Variants in PTPRM observed in about 807,000 individuals in gnomAD.
PTPRM encodes the protein protein tyrosine phosphatase receptor type M, also known as receptor-type tyrosine-protein phosphatase mu.
In PTPRM, 47 loss-of-function variants were observed where a neutral mutation model predicts 186.7. That is an observed-to-expected ratio of 0.25 (90% CI 0.20 to 0.32). PTPRM has a LOEUF of 0.32. Ranked by LOEUF, PTPRM falls within the 10% of genes least tolerant of loss-of-function variation. The pLI is 1.00. For synonymous variants in PTPRM, 668 were observed against 674.9 expected (o/e 0.99, Z 0.16); for missense variants, 1,494 against 1,865.0 (o/e 0.80, Z 3.66).
At chr18:8,362,645 C>T (rs931786591) in intron 23 of PTPRM, among the ~76,000 whole-genome samples, 8 of 152,166 alleles carry the variant, frequency 5.3e-5, no homozygotes, top group Non-Finnish European at 1.5e-5. Context: ...AACAGCACTC[C>T]ATATTTCTGT....
At chr18:7,829,295 A>G (rs746993599) in intron 2 of PTPRM, among the ~76,000 whole-genome samples, 8 of 152,202 alleles carry the variant, frequency 5.3e-5, no homozygotes, top group Non-Finnish European at 8.8e-5. Flanking sequence ...TAATAATTAC[A>G]TATTTGCTTT....
At chr18:7,930,695 G>T (rs1313458295) in intron 5 of PTPRM, among the ~76,000 whole-genome samples, 4 of 152,086 alleles carry the variant, frequency 2.6e-5, no homozygotes, top group Admixed American at 2.0e-4. Flanking sequence ...TAATATCAAG[G>T]TGCCATCCTG....
At chr18:7,813,558 G>T (rs1257139143) in intron 2 of PTPRM, among the ~76,000 whole-genome samples, 1 of 152,132 alleles carries the variant, frequency 6.6e-6, no homozygotes, top group East Asian at 1.9e-4. Flanking sequence ...TATTCATCCT[G>T]CTTGGAACTT....
At chr18:8,313,659 T>C (rs1356172211) in intron 20 of PTPRM, among the ~76,000 whole-genome samples, 1 of 151,882 alleles carries the variant, frequency 6.6e-6, no homozygotes, top group Admixed American at 6.6e-5. Flanking sequence ...AGTTCTTTAG[T>C]GGTGATTTCT....
At chr18:7,657,975 A>G (rs75550040) in intron 1 of PTPRM, among the ~76,000 whole-genome samples, 3,027 of 152,238 alleles carry the variant, frequency 0.02, 37 homozygotes, top group Middle Eastern at 0.071. Flanking sequence ...TTCGATACAT[A>G]TATACATTGT....
chr18:8,356,508 AAC>A (rs1193293249), intron 23 of PTPRM, among the ~76,000 whole-genome samples: 2 of 152,160 alleles, frequency 1.3e-5, no homozygotes, highest in African/African-American at 4.8e-5. Flanking sequence ...ACCAAACAGA[AAC>A]ACACTCAGGA....
intron 2 of PTPRM, among the ~76,000 whole-genome samples, chr18:7,805,991 C>T (rs911829357): frequency 6.6e-6 from 1 of 152,162 alleles, no homozygotes; most frequent in Non-Finnish European, 1.5e-5. Flanking sequence ...CATTGAATGG[C>T]AAGGGGAATA....
intron 2 of PTPRM, among the ~76,000 whole-genome samples, chr18:7,858,956 G>A (rs939110803): frequency 6.6e-6 from 1 of 152,164 alleles, no homozygotes; most frequent in Non-Finnish European, 1.5e-5. Flanking sequence ...AATTATATGA[G>A]TGTCTAAAAA....
chr18:8,374,778 C>G (rs2095685078), intron 24 of PTPRM, among the ~76,000 whole-genome samples: 1 of 152,208 alleles, frequency 6.6e-6, no homozygotes, highest in Non-Finnish European at 1.5e-5. Context: ...GACATGTTAA[C>G]ACATGGGTGC....
chr18:8,108,332 C>G (rs1453815071), intron 11 of PTPRM, among the ~76,000 whole-genome samples: 1 of 151,994 alleles, frequency 6.6e-6, no homozygotes, highest in Non-Finnish European at 1.5e-5. Context: ...AGAGGATTAG[C>G]AAAAACAACA....
chr18:8,028,764 G>A (rs532999022), intron 7 of PTPRM, among the ~76,000 whole-genome samples: 20 of 152,306 alleles, frequency 1.3e-4, no homozygotes, highest in African/African-American at 4.6e-4. Flanking sequence ...TAGTACATCA[G>A]CTGGCTGAAT....
At chr18:7,761,433 G>A (rs546643562) in intron 1 of PTPRM, among the ~76,000 whole-genome samples, 215 of 152,274 alleles carry the variant, frequency 1.4e-3, no homozygotes, top group African/African-American at 4.8e-3. Context: ...CAGAGTTCCA[G>A]TATGATGCAC....
chr18:7,862,356 A>C (rs189445904), intron 2 of PTPRM, among the ~76,000 whole-genome samples: 206 of 152,372 alleles, frequency 1.4e-3, no homozygotes, highest in African/African-American at 4.6e-3. Flanking sequence ...AACGTCACAA[A>C]TACTGCTAAT....
chr18:8,111,480 G>A (rs1221700979), intron 11 of PTPRM, among the ~76,000 whole-genome samples: 3 of 152,104 alleles, frequency 2.0e-5, no homozygotes, highest in Non-Finnish European at 4.4e-5. Flanking sequence ...GGGTGTGGTG[G>A]CGGGCGCCTG....
chr18:7,840,710 G>T (rs754191747), intron 2 of PTPRM, among the ~76,000 whole-genome samples: 1 of 152,204 alleles, frequency 6.6e-6, no homozygotes, highest in African/African-American at 2.4e-5. Flanking sequence ...TTGTTCAAAG[G>T]ATGAATTGGC....
At chr18:8,397,206 A>G (rs2095849390) in intron 32 of PTPRM, among the ~76,000 whole-genome samples, 1 of 152,256 alleles carries the variant, frequency 6.6e-6, no homozygotes, top group Admixed American at 6.5e-5. Context: ...CAGCCCCACC[A>G]GATCACATGT....
At chr18:7,781,264 TAA>T (rs1343274215) in intron 2 of PTPRM, among the ~76,000 whole-genome samples, 2 of 152,162 alleles carry the variant, frequency 1.3e-5, no homozygotes, top group African/African-American at 4.8e-5. Context: ...CAAGCTGAAA[TAA>T]GTCTATTAAA....
chr18:7,740,244 A>G (rs1015640339), intron 1 of PTPRM, among the ~76,000 whole-genome samples: 5 of 152,154 alleles, frequency 3.3e-5, no homozygotes, highest in Admixed American at 6.5e-5. Flanking sequence ...AGTAGGTTCT[A>G]TTGCAGAAGA....
intron 19 of PTPRM, among the ~76,000 whole-genome samples, chr18:8,268,262 A>G (rs879746247): frequency 3.9e-5 from 6 of 152,142 alleles, no homozygotes; most frequent in Non-Finnish European, 5.9e-5. Context: ...TTTTCAATAA[A>G]GCTTCAAAAT....
Sources: allele counts gnomAD v4.1 joint callset (sites outside exome capture counted in the v4.1 genomes callset), GRCh38; gene constraint gnomAD v4.1.1; transcripts MANE v1.5; gene names NCBI Gene and HGNC (gene_info 2026-07-23, HGNC 2026-07-21).